ST3GAL5: variants seen among roughly 807,000 people sequenced by gnomAD.
ST3GAL5 encodes the protein lactosylceramide alpha-2,3-sialyltransferase.
In ST3GAL5, 25 loss-of-function variants were observed where a neutral mutation model predicts 46.1. The ratio of observed to expected loss-of-function variants is 0.54; its 90% CI spans 0.40 to 0.76. The LOEUF is 0.76. Ranked by LOEUF, ST3GAL5 falls within the 30% of genes least tolerant of loss-of-function variation. ST3GAL5 has a pLI of 0.00. For missense variants in ST3GAL5, 431 were observed against 521.2 expected, an observed-to-expected ratio of 0.83 and a Z score of 1.69; for synonymous variants, 182 against 192.7, an observed-to-expected ratio of 0.94 and a Z score of 0.46.
chr2:85,838,684 C>T lies in ST3GAL5; in HGVS notation c.*1460G>A, dbSNP rs892256097. On this transcript the variant is annotated 3_prime_UTR_variant, in exon 7 of 7. Transcript: ENST00000638572. ...CTCTGCTTTGAATGCTATGACCTGA[C>T]TCCTGGCCCTGCATATGGTGAGGAG... is the stretch of plus-strand genomic sequence containing the variant. 2.6e-5 allele frequency: 4 copies of T among 152,472 alleles called. No homozygotes were observed. The highest frequency in any genetic ancestry group is 6.5e-5 in the Admixed American group (1 of 15,278). 9.4% of individuals were successfully genotyped at this position (152,472 alleles called of 1,614,324 possible).
chr2:85,840,501 T>C (rs995515684), intron 6 of ST3GAL5, 109 bp from the exon 7 acceptor site: 1 of 1,156,324 alleles, frequency 8.6e-7, no homozygotes, highest in African/African-American at 1.5e-5. Flanking sequence ...CATTGGGGGC[T>C]GCAATTTCAT....
intron 1 of ST3GAL5, among the ~76,000 whole-genome samples, chr2:85,882,828 C>T (rs1346099504): frequency 1.8e-5 from 1 of 55,272 alleles, no homozygotes; most frequent in African/African-American, 5.0e-5. Context: ...GAGAGAGACT[C>T]TGTCTCAAAA....
In ST3GAL5 at chr2:85,888,987, A is replaced by G. The variant is rs1688094324; in HGVS notation, c.-82T>C. ...CCCAGCGCCGCTCTCGCGCCCATTC[A>G]GCTGGGGGCCGCCGCTCCCCCGCTC... On this transcript the variant is annotated 5_prime_UTR_variant, in exon 1 of 7. Transcript: ENST00000638572. 21 of 1,085,272 alleles carry G rather than the reference A, an allele frequency of 1.9e-5. No individual in the cohort carries two copies. Among genetic ancestry groups the G allele is most frequent in the Non-Finnish European group, 2.5e-5 (21 of 856,324 alleles). The allele number at this position is 1,085,272 out of a possible 1,614,324, so 67.2% of individuals were successfully genotyped here.
chr2:85,857,430 G>A (rs1410460482), intron 3 of ST3GAL5, among the ~76,000 whole-genome samples: 3 of 151,726 alleles, frequency 2.0e-5, no homozygotes, highest in Middle Eastern at 6.8e-3. Flanking sequence ...CCAGCTACTC[G>A]GGAGGCTGAG....
intron 1 of ST3GAL5, among the ~76,000 whole-genome samples, chr2:85,870,678 CTTTT>C (rs898048174): frequency 1.4e-5 from 2 of 143,970 alleles, no homozygotes; most frequent in Admixed American, 7.0e-5. Context: ...TAATCGTACA[CTTTT>C]TTTTTTTTTT....
At chr2:85,886,701 C>G (rs1306721580) in intron 1 of ST3GAL5, among the ~76,000 whole-genome samples, 1 of 152,084 alleles carries the variant, frequency 6.6e-6, no homozygotes, top group African/African-American at 2.4e-5. Context: ...GTCTCCCGGG[C>G]GAGCCTGCGT....
At chr2:85,867,612 A>C (rs752002429) in intron 1 of ST3GAL5, 1 of 781,004 alleles carries the variant, frequency 1.3e-6, no homozygotes, top group South Asian at 1.3e-5. Context: ...TACGAACAGA[A>C]GCCATGTCCT....
At chr2:85,886,978 G>A (rs1230718232) in intron 1 of ST3GAL5, among the ~76,000 whole-genome samples, 5 of 152,092 alleles carry the variant, frequency 3.3e-5, no homozygotes, top group East Asian at 1.9e-4. Context: ...GGATTAAATC[G>A]CTCCTCAGGA....
At chr2:85,846,786 G>T in intron 4 of ST3GAL5, 1 of 539,800 alleles carries the variant, frequency 1.9e-6, no homozygotes, top group Non-Finnish European at 3.3e-6. Context: ...TGAATGTCAA[G>T]CAATTTCATC....
At chr2:85,844,290 T>G (rs1364027941) in intron 6 of ST3GAL5, 106 bp downstream of exon 6, 5 of 1,453,950 alleles carry the variant, frequency 3.4e-6, no homozygotes, top group Non-Finnish European at 9.6e-7. Context: ...ACAGGCTGGG[T>G]TTCTCCACTG....
At chr2:85,841,331 T>G (rs1157074847) in intron 6 of ST3GAL5, among the ~76,000 whole-genome samples, 1 of 148,554 alleles carries the variant, frequency 6.7e-6, no homozygotes, top group East Asian at 2.0e-4. Flanking sequence ...GGCAAGTAAA[T>G]TTTGTTTTTT....
At chr2:85,864,657 C>G (rs75409660) in intron 1 of ST3GAL5, among the ~76,000 whole-genome samples, 6,753 of 151,840 alleles carry the variant, frequency 0.044, 214 homozygotes, top group East Asian at 0.12. Context: ...GTGTGCCTGC[C>G]TATTTATTCT....
intron 3 of ST3GAL5, among the ~76,000 whole-genome samples, chr2:85,857,608 G>A (rs193129677): frequency 6.6e-6 from 1 of 151,762 alleles, no homozygotes; most frequent in Non-Finnish European, 1.5e-5. Flanking sequence ...GGGGTTGAGT[G>A]TGCCTAAAAT....
At chr2:85,873,061 T>TG (rs1291431646) in intron 1 of ST3GAL5, among the ~76,000 whole-genome samples, 3 of 152,124 alleles carry the variant, frequency 2.0e-5, no homozygotes, top group Non-Finnish European at 2.9e-5. Flanking sequence ...AAGGTGGGGC[T>TG]GGGGGGTGCA....
chr2:85,863,709 CTT>C (rs144021958), intron 1 of ST3GAL5, among the ~76,000 whole-genome samples: 7 of 144,884 alleles, frequency 4.8e-5, no homozygotes, highest in Admixed American at 1.4e-4. Flanking sequence ...TCTCAACATT[CTT>C]TTTTTTTTTT....
intron 1 of ST3GAL5, among the ~76,000 whole-genome samples, chr2:85,885,363 C>T (rs929112277): frequency 1.3e-5 from 2 of 152,166 alleles, no homozygotes; most frequent in Non-Finnish European, 2.9e-5. Context: ...TGCCCTGCTG[C>T]CTGACCCACT....
chr2:85,863,145 G>A (rs1192504399), intron 2 of ST3GAL5, among the ~76,000 whole-genome samples: 2 of 152,188 alleles, frequency 1.3e-5, no homozygotes, highest in African/African-American at 2.4e-5. Flanking sequence ...GCAGCTACTG[G>A]GCACTGTGCA....
Position 85,840,289 on chromosome 2 carries a change from G to C in ST3GAL5, c.1112C>G (p.Pro371Arg). 6.2e-7 allele frequency: 1 copy of C among 1,614,056 alleles called. No individual in the cohort carries two copies. Among genetic ancestry groups the C allele is most frequent in the Non-Finnish European group, 8.5e-7 (1 of 1,179,952 alleles). Reference protein sequence around the residue: ...FGYDLNQPRTPLHYFDSQCMA... With the variant: ...FGYDLNQPRTRLHYFDSQCMA... ...GCATTGACTGTCGAAGTAGTGCAAA[G>C]GTGTTCTGGGTTGATTGAGGTCATA... Residue 371 changes from proline to arginine, a missense_variant, in exon 7 of 7, where the codon CCT (proline) becomes CGT (arginine). By Grantham distance (103) the Pro-to-Arg change is moderately radical. Transcript: ENST00000638572.
chr2:85,887,921 C>T (rs1217236092), intron 1 of ST3GAL5: 2 of 152,210 alleles, frequency 1.3e-5, no homozygotes, highest in African/African-American at 4.8e-5. Context: ...ACCATTTTCC[C>T]CTTCAAATGA....
Sources: gnomAD v4.1 joint callset for allele counts (sites outside exome capture counted in the v4.1 genomes callset) on GRCh38, gnomAD v4.1.1 for gene constraint, MANE v1.5 for transcripts, NCBI Gene and HGNC (gene_info 2026-07-23, HGNC 2026-07-21) for gene names.